Variants in BNC2 observed in about 807,000 individuals in gnomAD.
The protein encoded by BNC2 is zinc finger protein basonuclin-2.
Under a neutral mutation model 76.3 loss-of-function variants are expected in BNC2, and 20 were observed. The observed-to-expected ratio is 0.26, with a 90% CI of 0.18 to 0.38. The LOEUF is 0.38. Ranked by LOEUF, BNC2 falls within the 10% of genes least tolerant of loss-of-function variation. BNC2 has a pLI of 1.00. For missense variants in BNC2, 1,382 were observed against 1,399.8 expected, an observed-to-expected ratio of 0.99 and a Z score of 0.20; for synonymous variants, 582 against 514.8, an observed-to-expected ratio of 1.13 and a Z score of -1.77.
At chr9:16,463,837 T>C (rs1821643270) in intron 5 of BNC2, among the ~76,000 whole-genome samples, 1 of 151,992 alleles carries the variant, frequency 6.6e-6, no homozygotes. Flanking sequence ...GGCTCATGTC[T>C]GTAATCCCAG....
intron 5 of BNC2, among the ~76,000 whole-genome samples, chr9:16,478,934 C>G (rs967346393): frequency 6.6e-6 from 1 of 152,048 alleles, no homozygotes; most frequent in Non-Finnish European, 1.5e-5. Context: ...TCACAAAAAC[C>G]AAGAGGACTC....
chr9:16,782,105 G>C (rs1269105079), intron 1 of BNC2, among the ~76,000 whole-genome samples: 2 of 151,838 alleles, frequency 1.3e-5, no homozygotes, highest in Non-Finnish European at 2.9e-5. Flanking sequence ...GCCAACATGA[G>C]GAAACCCCAT....
At chr9:16,497,239 G>T (rs1273599119) in intron 5 of BNC2, among the ~76,000 whole-genome samples, 1 of 152,160 alleles carries the variant, frequency 6.6e-6, no homozygotes, top group Admixed American at 6.5e-5. Flanking sequence ...TATGATGTAG[G>T]CCTAATTTCT....
intron 1 of BNC2, among the ~76,000 whole-genome samples, chr9:16,756,153 A>T (rs970544488): frequency 5.3e-5 from 8 of 152,218 alleles, no homozygotes; most frequent in Non-Finnish European, 8.8e-5. Flanking sequence ...GTTCTGTATT[A>T]ACTGTGATTT....
intron 3 of BNC2, among the ~76,000 whole-genome samples, chr9:16,643,252 G>A (rs1005183473): frequency 6.7e-6 from 1 of 148,968 alleles, no homozygotes; most frequent in African/African-American, 2.5e-5. Context: ...GTTGCAGTGA[G>A]CCAAGATCAC....
In BNC2 at chr9:16,768,145, T is replaced by C. The variant is rs141107595; in HGVS notation, c.4-29660A>G. Among the ~76,000 whole-genome samples, 516 of 152,112 alleles carry C rather than the reference T, an allele frequency of 3.4e-3. 3 individuals are homozygous for C. The highest frequency in any genetic ancestry group is 0.012 in the African/African-American group (494 of 41,468). On this transcript the variant is annotated intron_variant, in intron 1 of 6. Transcript: ENST00000380672. ...CACGCCTGGCTAATTTTTGTATTTT[T>C]AGTAAAGTCGGGGTTTCACAATGTT...
chr9:16,820,397 G>C (rs1338693285), intron 1 of BNC2, among the ~76,000 whole-genome samples: 2 of 151,968 alleles, frequency 1.3e-5, no homozygotes, highest in Non-Finnish European at 2.9e-5. Flanking sequence ...TTGCGCTCCA[G>C]CCTGGGCAAC....
Position 16,419,577 on chromosome 9 carries a change from C to A in BNC2, c.2712G>T (p.Ser904=), listed in dbSNP as rs747322250. The change falls in exon 7 of 7, where the codon TCG becomes TCT. Residue 904 remains serine (S), a synonymous_variant. Coordinates refer to ENST00000380672, the MANE Select transcript of BNC2 (RefSeq NM_017637.6). ...GGAGGTCCTTGCTAAGGGAGGGCTG[C>A]GACGAGTCCAGGCCCATGTCATCGA... ...KELDDMGLDS[S]QPSLSKDLRD... is the part of the protein sequence containing the mutation. The A allele has an allele frequency of 6.2e-7, 1 of 1,611,812 alleles. No homozygotes were observed. Among genetic ancestry groups the A allele is most frequent in the Non-Finnish European group, 8.5e-7 (1 of 1,179,784 alleles).
chr9:16,649,372 C>A (rs111842747), intron 3 of BNC2, among the ~76,000 whole-genome samples: 35 of 152,310 alleles, frequency 2.3e-4, no homozygotes, highest in African/African-American at 8.4e-4. Flanking sequence ...AGACTGCTTT[C>A]TCAGACCCTT....
chr9:16,788,987 A>G (rs1817427411), intron 1 of BNC2, among the ~76,000 whole-genome samples: 1 of 152,192 alleles, frequency 6.6e-6, no homozygotes. Context: ...TAATACAATC[A>G]AAGTCTCTAG....
intron 3 of BNC2, among the ~76,000 whole-genome samples, chr9:16,705,652 T>C (rs888625635): frequency 2.7e-5 from 3 of 111,120 alleles, no homozygotes; most frequent in African/African-American, 8.0e-5. Flanking sequence ...ATAGTGTGGC[T>C]TGGGTTTTTT....
chr9:16,614,070 C>A (rs1263717448), intron 3 of BNC2, among the ~76,000 whole-genome samples: 1 of 152,170 alleles, frequency 6.6e-6, no homozygotes, highest in African/African-American at 2.4e-5. Context: ...CAAATTACAG[C>A]ATGTCCTATA....
chr9:16,749,566 G>A (rs1327942508), intron 1 of BNC2, among the ~76,000 whole-genome samples: 3 of 152,136 alleles, frequency 2.0e-5, no homozygotes, highest in Admixed American at 6.5e-5. Context: ...CAGGTGTGGT[G>A]GCACATGCCT....
chr9:16,755,201 A>C (rs1257901391), intron 1 of BNC2, among the ~76,000 whole-genome samples: 1 of 152,232 alleles, frequency 6.6e-6, no homozygotes, highest in African/African-American at 2.4e-5. Context: ...AAAAAGAGAG[A>C]GCAAGAGAGC....
chr9:16,481,557 C>T (rs914283068), intron 5 of BNC2, among the ~76,000 whole-genome samples: 1 of 152,136 alleles, frequency 6.6e-6, no homozygotes, highest in Non-Finnish European at 1.5e-5. Context: ...ACATTCACCG[C>T]GAGGGTCCGC....
intron 1 of BNC2, among the ~76,000 whole-genome samples, chr9:16,773,607 T>C (rs900568360): frequency 2.6e-5 from 4 of 152,152 alleles, no homozygotes; most frequent in South Asian, 4.2e-4. Flanking sequence ...CCAACTCACA[T>C]TGACAGCCGC....
rs76119948 is a variant in BNC2, at chr9:16,611,010, T to C, written c.331-27925A>G. Among the ~76,000 whole-genome samples, 708 of 152,252 alleles carry C rather than the reference T, an allele frequency of 4.7e-3. 7 individuals are homozygous for C. Among genetic ancestry groups the C allele is most frequent in the African/African-American group, 0.017 (694 of 41,570 alleles). ...TTGGTTTTAGCATGAAAACAATTTA[T>C]GAAATTATAGAAACAGACTGAACAC... On this transcript the variant is annotated intron_variant, in intron 3 of 6. Transcript: ENST00000380672.
At chr9:16,461,425 T>A in intron 5 of BNC2, among the ~76,000 whole-genome samples, 1 of 152,216 alleles carries the variant, frequency 6.6e-6, no homozygotes, top group Non-Finnish European at 1.5e-5. Flanking sequence ...TATGCTGTGA[T>A]AAGAGGCAAA....
intron 5 of BNC2, among the ~76,000 whole-genome samples, chr9:16,500,599 C>T (rs908587009): frequency 3.9e-4 from 59 of 152,252 alleles, no homozygotes; most frequent in African/African-American, 1.2e-3. Flanking sequence ...AAATGCAAGT[C>T]TGAGTTATGC....
Sources: allele counts gnomAD v4.1 joint callset (sites outside exome capture counted in the v4.1 genomes callset), GRCh38; gene constraint gnomAD v4.1.1; transcripts MANE v1.5; gene names NCBI Gene and HGNC (gene_info 2026-07-23, HGNC 2026-07-21).